Variants in TMEM19 observed in about 807,000 individuals in gnomAD.
The protein encoded by TMEM19 is transmembrane protein 19.
In TMEM19, 21 loss-of-function variants were observed where a neutral mutation model predicts 33.6. The ratio of observed to expected loss-of-function variants is 0.62; its 90% CI spans 0.44 to 0.90. The LOEUF (loss-of-function observed/expected upper bound fraction) is 0.90, where lower values mean the gene tolerates loss of function less well. TMEM19 is among the 40% of genes least tolerant of loss of function. The probability of loss-of-function intolerance (pLI) is 0.00; values close to 1 mark genes in which losing one functional copy is unlikely to be tolerated. For missense variants in TMEM19, 402 were observed against 401.8 expected, an observed-to-expected ratio of 1.00 and a Z score of 0.00; for synonymous variants, 149 against 147.5, an observed-to-expected ratio of 1.01 and a Z score of -0.07.
At chr12:71,697,556 A>G (rs1881897591) in intron 4 of TMEM19, 22 bp downstream of exon 4, 2 of 1,558,576 alleles carry the variant, frequency 1.3e-6, no homozygotes, top group South Asian at 2.5e-5. Context: ...CTTCTTTTTG[A>G]CCCATTGGTA....
intron 1 of TMEM19, among the ~76,000 whole-genome samples, chr12:71,687,039 T>A (rs1881703462): frequency 6.6e-6 from 1 of 152,118 alleles, no homozygotes; most frequent in African/African-American, 2.4e-5. Flanking sequence ...TTTTAATTTT[T>A]ATTTTGTATA....
At position 71,696,670 on chromosome 12, in the gene TMEM19, G is replaced by A. The variant is rs1377157847; in HGVS notation, c.382+97G>A. On this transcript the variant is annotated intron_variant, in intron 3 of 5. Coordinates refer to ENST00000266673, the MANE Select transcript of TMEM19 (RefSeq NM_018279.4). The stretch of plus-strand genomic sequence containing the variant: ...TTGTTTTTGTTTTTTTTTTTGAGAC[G>A]GAGTCTTGCTCTGTTGCCCAGGCTG... The A allele has an allele frequency of 6.7e-5, 76 of 1,136,946 alleles. No homozygotes were observed. In the East Asian group the frequency reaches 7.4e-4, roughly 11 times the overall value. The allele number at this position is 1,136,946 out of a possible 1,614,324, so 70.4% of individuals were successfully genotyped here. A position where few individuals can be genotyped will look rare whatever the true frequency, so the allele number is the denominator to read the frequency against.
At position 71,698,937 on chromosome 12, in the gene TMEM19, C is replaced by T. The variant is rs1458713237; in HGVS notation, c.675C>T (p.Ser225=). ...GAGTTACAGTGGTGGGCCTTGTCTC[C>T]AGTCTCCTTGGTGGTACCTTTGTGG... ...NGGVTVVGLV[S]SLLGGTFVGI... Residue 225 remains serine, a synonymous_variant, in exon 5 of 6, where the codon TCC becomes TCT. Coordinates refer to ENST00000266673, the MANE Select transcript of TMEM19 (RefSeq NM_018279.4). The T allele has an allele frequency of 1.9e-6, 3 of 1,614,146 alleles. No individual in the cohort carries two copies. The highest frequency in any genetic ancestry group is 2.2e-5 in the East Asian group (1 of 44,878).
chr12:71,693,181 C>T (rs545148346), intron 2 of TMEM19, among the ~76,000 whole-genome samples: 11 of 151,216 alleles, frequency 7.3e-5, no homozygotes, highest in Admixed American at 2.0e-4. Flanking sequence ...GGTGACAGAG[C>T]GAGACCCTGT....
In TMEM19 at chr12:71,697,410, G is replaced by A. The variant is rs369174410; in HGVS notation, c.513G>A (p.Trp171Ter). The change falls in exon 4 of 6, where the codon TGG (tryptophan) becomes TGA (stop). Residue 171 changes from tryptophan to a stop codon, truncating the protein, a stop_gained. Coordinates refer to ENST00000266673, the MANE Select transcript of TMEM19 (RefSeq NM_018279.4). LOFTEE classifies it high-confidence loss of function. Reference protein sequence around the residue: ...VDFSKQYSASWMCLSLLAALA... With the variant: ...VDFSKQYSAS ...TTTCCAAGCAGTACTCCGCTTCCTG[G>A]ATGTGTTTGTCTCTCTTGGCTGCAC... is the stretch of plus-strand genomic sequence containing the variant. 45 of 1,610,714 alleles carry A rather than the reference G, an allele frequency of 2.8e-5. No individual in the cohort carries two copies. Among genetic ancestry groups the A allele is most frequent in the Non-Finnish European group, 3.6e-5 (43 of 1,178,846 alleles).
intron 2 of TMEM19, among the ~76,000 whole-genome samples, chr12:71,695,701 T>C (rs1881859146): frequency 6.6e-6 from 1 of 152,190 alleles, no homozygotes; most frequent in African/African-American, 2.4e-5. Flanking sequence ...CCTGACTTTT[T>C]ACAGCAAGCC....
intron 3 of TMEM19, 141 bp from the exon 4 acceptor site, chr12:71,697,139 T>C (rs1258972911): frequency 2.6e-6 from 3 of 1,170,840 alleles, no homozygotes; most frequent in African/African-American, 1.7e-5. Context: ...TCTGGGCAAA[T>C]GTACCATAAC....
At chr12:71,689,514 C>T in intron 1 of TMEM19, 77 bp from the exon 2 acceptor site, 1 of 1,012,192 alleles carries the variant, frequency 9.9e-7, no homozygotes, top group Admixed American at 1.7e-5. Context: ...AGTCTAAAAG[C>T]AGTAACGGAA....
Position 71,696,437 on chromosome 12 carries a change from G to A in TMEM19, c.246G>A (p.Gly82=). The A allele has an allele frequency of 6.3e-7, 1 of 1,598,922 alleles. No homozygotes were observed. The highest frequency in any genetic ancestry group is 1.3e-5 in the African/African-American group (1 of 74,408). The part of the protein sequence containing the change: ...KSLDHSGALG[G]LVVGFILTIA... ...TGTGTTTATATATGTTTCTTTCAGG[G>A]CTAGTCGTTGGATTTATCCTAACCA... The change falls in exon 3 of 6, where the codon GGG becomes GGA. Residue 82 remains glycine (G), a splice_region_variant and synonymous_variant. Transcript: ENST00000266673.
At position 71,697,367 on chromosome 12, in the gene TMEM19, G is replaced by C; in HGVS notation, c.470G>C (p.Gly157Ala). The change falls in exon 4 of 6, where the codon GGG becomes GCG. Residue 157 changes from glycine to alanine, a missense_variant. By Grantham distance (60) the Gly-to-Ala change is moderately conservative. Transcript: ENST00000266673. ...CTGTACATGATAGAAAATGGCCCCG[G>C]GGAAATCCCAGTCGATTTTTCCAAG... is the stretch of plus-strand genomic sequence containing the variant. The part of the protein sequence containing the change: ...ALLYMIENGP[G>A]EIPVDFSKQY... The C allele has an allele frequency of 6.2e-7, 1 of 1,611,408 alleles. No individual in the cohort carries two copies. The highest frequency in any genetic ancestry group is 1.3e-5 in the African/African-American group (1 of 74,748).
At chr12:71,687,922 T>C (rs780055009) in intron 1 of TMEM19, among the ~76,000 whole-genome samples, 23 of 152,272 alleles carry the variant, frequency 1.5e-4, no homozygotes, top group Non-Finnish European at 2.6e-4. Flanking sequence ...CAAAGAGACA[T>C]GTGAATAGTT....
rs1289967512 is a variant in TMEM19 at position 71,702,449 on chromosome 12, G to A, written c.*1454G>A. The A allele has an allele frequency of 6.6e-6, 1 of 152,304 alleles. No individual in the cohort carries two copies. The highest frequency in any genetic ancestry group is 1.9e-4 in the East Asian group (1 of 5,194). The allele number at this position is 152,304 out of a possible 1,614,324, so 9.4% of individuals were successfully genotyped here. A position where few individuals can be genotyped will look rare whatever the true frequency, so the allele number is the denominator to read the frequency against. On this transcript the variant is annotated 3_prime_UTR_variant, in exon 6 of 6. Coordinates refer to ENST00000266673, the MANE Select transcript of TMEM19 (RefSeq NM_018279.4). ...TCATGCCTCAGCCTCCCAAGTAGCT[G>A]GGATCACAGGCGTGCACCATCACGC...
At chr12:71,692,008 C>T (rs1187207727) in intron 2 of TMEM19, among the ~76,000 whole-genome samples, 1 of 152,180 alleles carries the variant, frequency 6.6e-6, no homozygotes, top group East Asian at 1.9e-4. Context: ...CCAGTGCAAA[C>T]TTGGGCATGC....
rs1476571346 is a variant in TMEM19, at chr12:71,703,357, G to A, written c.*2362G>A. On this transcript the variant is annotated 3_prime_UTR_variant, in exon 6 of 6. Transcript: ENST00000266673. ...CACACAATATGTTATCTTTATGGAT[G>A]AATAACTTCTGGTAATGACACAGTG... 2.6e-5 allele frequency: 4 copies of A among 152,108 alleles called. No homozygotes were observed. The highest frequency in any genetic ancestry group is 4.4e-5 in the Non-Finnish European group (3 of 68,050). 9.4% of individuals were successfully genotyped at this position (152,108 alleles called of 1,614,324 possible). A position where few individuals can be genotyped will look rare whatever the true frequency, so the allele number is the denominator to read the frequency against.
intron 5 of TMEM19, chr12:71,699,518 C>G (rs192545551): frequency 5.3e-4 from 123 of 230,792 alleles, no homozygotes; most frequent in African/African-American, 2.7e-3. Flanking sequence ...TGGTATCATG[C>G]TTGCTATTCT....
chr12:71,694,216 G>T (rs994291755), intron 2 of TMEM19, among the ~76,000 whole-genome samples: 2 of 152,174 alleles, frequency 1.3e-5, no homozygotes, highest in African/African-American at 4.8e-5. Context: ...GAGGGCTCTG[G>T]TCTCTTGGAG....
chr12:71,689,690 G>T lies in TMEM19; in HGVS notation c.230G>T (p.Ser77Ile). The change falls in exon 2 of 6, where the codon AGT becomes ATT. Residue 77 changes from serine (S) to isoleucine (I), a missense_variant. Physicochemically the swap from Ser to Ile is moderately radical, Grantham distance 142. Coordinates refer to ENST00000266673, the MANE Select transcript of TMEM19 (RefSeq NM_018279.4). ...CTTAAAAAGAAAAGTCTAGATCACA[G>T]TGGGGCTCTAGGAGGTATGTTTTTA... ...NGLKKKSLDHSGALGGLVVGF... is the reference protein window; with the variant it reads ...NGLKKKSLDHIGALGGLVVGF... 1 of 1,612,508 alleles carries T rather than the reference G, an allele frequency of 6.2e-7. No individual in the cohort carries two copies. The highest frequency in any genetic ancestry group is 1.1e-5 in the South Asian group (1 of 91,000).
In TMEM19 at chr12:71,697,508, TAAC is replaced by T. The variant is rs750441598; in HGVS notation, c.615_617del (p.Thr206del). ...CTGAGTAAAAGTTCTCCAAGACTGA[TAAC>T]AACCTGGGAGAAAGTTCCAGTTGGT... is the stretch of plus-strand genomic sequence containing the variant. On this transcript the variant is annotated inframe_deletion, in exon 4 of 6. Transcript: ENST00000266673. The T allele has an allele frequency of 7.8e-5, 123 of 1,580,804 alleles. No individual in the cohort carries two copies. The highest frequency in any genetic ancestry group is 1.0e-4 in the Non-Finnish European group (120 of 1,169,042).
Position 71,701,134 on chromosome 12 carries a change from A to C in TMEM19, c.*139A>C. 1 of 861,900 alleles carries C rather than the reference A, an allele frequency of 1.2e-6. No homozygotes were observed. Among genetic ancestry groups the C allele is most frequent in the Non-Finnish European group, 1.7e-6 (1 of 590,078 alleles). The allele number at this position is 861,900 out of a possible 1,614,324, so 53.4% of individuals were successfully genotyped here. On this transcript the variant is annotated 3_prime_UTR_variant, in exon 6 of 6. Coordinates refer to ENST00000266673, the MANE Select transcript of TMEM19 (RefSeq NM_018279.4). ...GTATTCCATTGAGATGGGATTTCAC[A>C]TTTTCCTCTCATCAACTCCCCTGTA... is the stretch of plus-strand genomic sequence containing the variant.
Sources: allele counts gnomAD v4.1 joint callset (sites outside exome capture counted in the v4.1 genomes callset), GRCh38; gene constraint gnomAD v4.1.1; transcripts MANE v1.5; gene names NCBI Gene and HGNC (gene_info 2026-07-23, HGNC 2026-07-21).